ERC2: variants seen among roughly 807,000 people sequenced by gnomAD.
ERC2 encodes the protein ELKS/RAB6-interacting/CAST family member 2.
A neutral mutation model predicts 114.8 loss-of-function variants in ERC2; 42 were observed. The ratio of observed to expected loss-of-function variants is 0.37; its 90% CI spans 0.29 to 0.47. The LOEUF (loss-of-function observed/expected upper bound fraction) is 0.47. Ranked by LOEUF, ERC2 falls within the 20% of genes least tolerant of loss-of-function variation. The pLI is 0.99. For synonymous variants in ERC2, 454 were observed against 425.5 expected (o/e 1.07, Z -0.82); for missense variants, 939 against 1,150.7 (o/e 0.82, Z 2.66).
chr3:55,583,760 T>C (rs568383450), intron 17 of ERC2, among the ~76,000 whole-genome samples: 1 of 151,736 alleles, frequency 6.6e-6, no homozygotes, highest in East Asian at 1.9e-4. Flanking sequence ...ACGTCTGTAA[T>C]GGGAAAATCC....
intron 2 of ERC2, among the ~76,000 whole-genome samples, chr3:56,412,853 A>T (rs2060995374): frequency 6.6e-6 from 1 of 152,236 alleles, no homozygotes; most frequent in Non-Finnish European, 1.5e-5. Context: ...TTAATTATAG[A>T]TAAAGGTTAA....
intron 15 of ERC2, among the ~76,000 whole-genome samples, chr3:55,725,830 A>C (rs895365587): frequency 3.3e-5 from 5 of 152,170 alleles, no homozygotes; most frequent in African/African-American, 1.2e-4. Flanking sequence ...CTCCATATTC[A>C]CTGAGTGCTA....
chr3:56,300,103 G>A (rs1056862817), intron 2 of ERC2, among the ~76,000 whole-genome samples: 1 of 152,026 alleles, frequency 6.6e-6, no homozygotes, highest in East Asian at 1.9e-4. Flanking sequence ...TGAAGATAAG[G>A]TGGCAAGTGC....
At chr3:55,897,064 T>C (rs1322528054) in intron 13 of ERC2, among the ~76,000 whole-genome samples, 4 of 152,230 alleles carry the variant, frequency 2.6e-5, no homozygotes, top group African/African-American at 9.6e-5. Flanking sequence ...AATCGTCGGA[T>C]CTTTTAAAGT....
rs752013730 is a variant in ERC2, at chr3:56,080,969, A to G, written c.1489T>C (p.Leu497=). ...ILQTEVDALR[L]RLEEKESFLN... The stretch of plus-strand genomic sequence containing the variant: ...AAAGATTCTTTTTCTTCCAGTCGTA[A>G]TCTCAGCGCATCTACCTGAAATCAG... Residue 497 remains leucine, a synonymous_variant, in exon 7 of 18, where the codon TTA becomes CTA. Transcript: ENST00000288221. 1.1e-5 allele frequency: 17 copies of G among 1,611,940 alleles called. No homozygotes were observed. Among genetic ancestry groups the G allele is most frequent in the Admixed American group, 1.0e-4 (6 of 59,642 alleles).
At chr3:55,944,682 G>A (rs958915341) in intron 13 of ERC2, among the ~76,000 whole-genome samples, 3 of 152,194 alleles carry the variant, frequency 2.0e-5, no homozygotes, top group African/African-American at 4.8e-5. Flanking sequence ...ACTACAAAGA[G>A]TAATGATTTT....
At chr3:55,605,995 AC>A (rs2058625423) in intron 17 of ERC2, among the ~76,000 whole-genome samples, 1 of 152,146 alleles carries the variant, frequency 6.6e-6, no homozygotes, top group African/African-American at 2.4e-5. Flanking sequence ...TAAAAGTCAG[AC>A]CCAGGAGAGT....
At chr3:55,560,927 C>T (rs1350762844) in intron 17 of ERC2, among the ~76,000 whole-genome samples, 2 of 152,082 alleles carry the variant, frequency 1.3e-5, no homozygotes, top group African/African-American at 2.4e-5. Flanking sequence ...CCAGTAAGCC[C>T]CTAATATTCC....
chr3:56,120,269 T>C (rs774826498), intron 6 of ERC2, among the ~76,000 whole-genome samples: 8 of 152,212 alleles, frequency 5.3e-5, no homozygotes, highest in Non-Finnish European at 8.8e-5. Context: ...TCTCCAGTTA[T>C]GACAGTTCCC....
chr3:55,566,509 G>A (rs1442379926), intron 17 of ERC2, among the ~76,000 whole-genome samples: 1 of 152,086 alleles, frequency 6.6e-6, no homozygotes, highest in Non-Finnish European at 1.5e-5. Flanking sequence ...TCCACTCACT[G>A]CTACCTCCAC....
At chr3:56,289,962 A>G (rs1014126483) in intron 3 of ERC2, among the ~76,000 whole-genome samples, 1 of 152,174 alleles carries the variant, frequency 6.6e-6, no homozygotes, top group Non-Finnish European at 1.5e-5. Context: ...ACATGATGAC[A>G]ACAGTATTTA....
At chr3:55,596,786 A>C (rs2058160085) in intron 17 of ERC2, among the ~76,000 whole-genome samples, 1 of 152,190 alleles carries the variant, frequency 6.6e-6, no homozygotes, top group South Asian at 2.1e-4. Flanking sequence ...CAGGAGCTAT[A>C]ACATTAGATG....
At chr3:55,824,029 C>T (rs1002419174) in intron 14 of ERC2, among the ~76,000 whole-genome samples, 1 of 152,182 alleles carries the variant, frequency 6.6e-6, no homozygotes, top group African/African-American at 2.4e-5. Flanking sequence ...ATGGTCTTTT[C>T]TCTGTGCACA....
chr3:55,734,763 G>A lies in ERC2; in HGVS notation c.2712+8C>T. 6.2e-7 allele frequency: 1 copy of A among 1,605,188 alleles called. No homozygotes were observed. The highest frequency in any genetic ancestry group is 8.5e-7 in the Non-Finnish European group (1 of 1,175,836). The stretch of plus-strand genomic sequence containing the variant: ...AGAAAAACACACCTGTCTTGCAGGA[G>A]GCCCCACCTGCTGCTTTAATTGATG... On this transcript the variant is annotated splice_region_variant and intron_variant, in intron 15 of 17. Transcript: ENST00000288221.
chr3:55,727,914 G>T (rs1159883631), intron 15 of ERC2, among the ~76,000 whole-genome samples: 2 of 152,170 alleles, frequency 1.3e-5, no homozygotes, highest in African/African-American at 4.8e-5. Flanking sequence ...TTGCAATGTG[G>T]CAAGAAAGGG....
At position 56,060,653 on chromosome 3, in the gene ERC2, T is replaced by C. The variant is rs1456563774; in HGVS notation, c.1641+20164A>G. On this transcript the variant is annotated intron_variant, in intron 7 of 17. Coordinates refer to ENST00000288221, the MANE Select transcript of ERC2 (RefSeq NM_015576.3). ...CTGGCCTGCCAAGCTTAATAAAGTA[T>C]GTTATCCATTCTTCCAGACCACTGC... Among the ~76,000 whole-genome samples the C allele has an allele frequency of 5.3e-5, 8 of 152,308 alleles. No homozygotes were observed. The East Asian group carries it at 1.4e-3, about 26-fold the overall frequency.
intron 17 of ERC2, among the ~76,000 whole-genome samples, chr3:55,643,862 C>T (rs1225341710): frequency 2.0e-5 from 3 of 151,950 alleles, no homozygotes; most frequent in Non-Finnish European, 2.9e-5. Context: ...ATTATTAATG[C>T]AAAGCAGCTT....
intron 17 of ERC2, among the ~76,000 whole-genome samples, chr3:55,579,907 G>C (rs1234289839): frequency 2.6e-5 from 4 of 152,072 alleles, no homozygotes; most frequent in African/African-American, 9.7e-5. Context: ...TAGGAAATCA[G>C]AATGTCTTTT....
chr3:56,244,254 C>T (rs1244341811), intron 3 of ERC2, among the ~76,000 whole-genome samples: 2 of 152,110 alleles, frequency 1.3e-5, no homozygotes, highest in Non-Finnish European at 2.9e-5. Flanking sequence ...AAACCTACTG[C>T]ACTGCCAGTT....
Sources: gnomAD v4.1 joint callset for allele counts (sites outside exome capture counted in the v4.1 genomes callset) on GRCh38, gnomAD v4.1.1 for gene constraint, MANE v1.5 for transcripts, NCBI Gene and HGNC (gene_info 2026-07-23, HGNC 2026-07-21) for gene names.